The following PLPP1 variants were observed in gnomAD, a reference collection of about 807,000 sequenced individuals.
PLPP1 encodes the protein phospholipid phosphatase 1, also known as lipid phosphate phosphohydrolase 1a.
In PLPP1, 24 loss-of-function variants were observed where a neutral mutation model predicts 31.2. The observed-to-expected ratio is 0.77, with a 90% CI of 0.56 to 1.08. PLPP1 has a LOEUF of 1.08. Ranked by LOEUF, PLPP1 falls within the 50% of genes least tolerant of loss-of-function variation. PLPP1 has a pLI of 0.00. For synonymous variants in PLPP1, 146 were observed against 126.3 expected (o/e 1.16, Z -1.05); for missense variants, 319 against 342.7 (o/e 0.93, Z 0.55).
chr5:55,526,431 G>T (rs542190876), intron 1 of PLPP1, among the ~76,000 whole-genome samples: 4 of 152,202 alleles, frequency 2.6e-5, no homozygotes, highest in South Asian at 4.2e-4. Context: ...CTCTGCTTTT[G>T]TTCCAAACTA....
chr5:55,506,655 T>C (rs2111897612), intron 1 of PLPP1, among the ~76,000 whole-genome samples: 1 of 152,256 alleles, frequency 6.6e-6, no homozygotes, highest in Middle Eastern at 3.4e-3. Flanking sequence ...AAAAAGGTAA[T>C]AAATAAAACT....
intron 4 of PLPP1, among the ~76,000 whole-genome samples, chr5:55,433,253 G>A (rs573952241): frequency 6.6e-6 from 1 of 150,988 alleles, no homozygotes; most frequent in African/African-American, 2.4e-5. Flanking sequence ...TTAAGCACAG[G>A]ACAATGAGGT....
intron 3 of PLPP1, among the ~76,000 whole-genome samples, chr5:55,459,203 C>T (rs746478400): frequency 6.9e-6 from 1 of 144,904 alleles, no homozygotes; most frequent in Non-Finnish European, 1.5e-5. Flanking sequence ...CAAAGAAATA[C>T]ATTGATACCA....
intron 1 of PLPP1, among the ~76,000 whole-genome samples, chr5:55,495,887 C>G (rs1451732698): frequency 3.9e-5 from 6 of 152,094 alleles, no homozygotes; most frequent in Admixed American, 6.6e-5. Context: ...CAGAGTCTTG[C>G]TCTGTCGCCC....
chr5:55,486,977 A>G (rs1752787859), intron 1 of PLPP1, among the ~76,000 whole-genome samples: 2 of 152,292 alleles, frequency 1.3e-5, no homozygotes, highest in East Asian at 1.9e-4. Flanking sequence ...TTAGGTCACC[A>G]TAAGTAATAC....
chr5:55,432,095 CTTCTTTTTTTTTTTTTTT>C (rs1439156993), intron 4 of PLPP1, among the ~76,000 whole-genome samples: 1 of 145,910 alleles, frequency 6.9e-6, no homozygotes, highest in Non-Finnish European at 1.5e-5. Context: ...TTTTCTTTTT[CTTCTTTTTTTTTTTTTTT>C]TTTTTTTTTT....
intron 1 of PLPP1, among the ~76,000 whole-genome samples, chr5:55,526,051 T>C (rs1740419312): frequency 6.6e-6 from 1 of 152,046 alleles, no homozygotes; most frequent in Admixed American, 6.6e-5. Flanking sequence ...TCTGGGAGTT[T>C]AGTGACTTTT....
At chr5:55,499,367 T>C (rs966401074) in intron 1 of PLPP1, among the ~76,000 whole-genome samples, 1 of 152,216 alleles carries the variant, frequency 6.6e-6, no homozygotes, top group Admixed American at 6.5e-5. Context: ...TTTCACATAC[T>C]ATACAAGTTT....
intron 3 of PLPP1, among the ~76,000 whole-genome samples, chr5:55,455,439 C>T (rs1016369861): frequency 6.6e-6 from 1 of 151,934 alleles, no homozygotes; most frequent in East Asian, 1.9e-4. Context: ...AAAAAAAATA[C>T]AAAAATTAGC....
At chr5:55,512,520 GAAAGAAA>G (rs1561253172) in intron 1 of PLPP1, among the ~76,000 whole-genome samples, 47 of 7,178 alleles carry the variant, frequency 6.5e-3, no homozygotes, top group South Asian at 0.014. Context: ...AGAAAAGAAA[GAAAGAAA>G]GAAAGAAAGA....
At chr5:55,426,132 A>C in intron 4 of PLPP1, 93 bp from the exon 5 acceptor site, 2 of 1,127,964 alleles carry the variant, frequency 1.8e-6, no homozygotes, top group Non-Finnish European at 2.5e-6. Flanking sequence ...TGATTATCAA[A>C]GTATTATTAT....
intron 2 of PLPP1, among the ~76,000 whole-genome samples, chr5:55,472,733 GGAGGAAGAGGAAGAA>G (rs1752445959): frequency 1.4e-5 from 2 of 144,010 alleles, no homozygotes; most frequent in East Asian, 2.0e-4. Flanking sequence ...AAGAGGAAGA[GGAGGAAGAGGAAGAA>G]GAGGAAGAGG....
intron 1 of PLPP1, chr5:55,530,204 T>G (rs111548056): frequency 1.2e-5 from 16 of 1,350,632 alleles, no homozygotes; most frequent in Non-Finnish European, 1.7e-5. Flanking sequence ...GACATTGAGT[T>G]TCTTCATCTA....
chr5:55,494,816 A>G (rs1204744249), intron 1 of PLPP1, among the ~76,000 whole-genome samples: 1 of 151,990 alleles, frequency 6.6e-6, no homozygotes, highest in Admixed American at 6.6e-5. Flanking sequence ...TACCAGGCAC[A>G]CAGATCTGAA....
intron 1 of PLPP1, among the ~76,000 whole-genome samples, chr5:55,513,363 C>T (rs1753482907): frequency 6.6e-6 from 1 of 151,434 alleles, no homozygotes; most frequent in South Asian, 2.1e-4. Context: ...AGGGTTCAAG[C>T]GATTCTCCTG....
chr5:55,477,053 A>AC lies in PLPP1; in HGVS notation c.59-1604_59-1603insG, dbSNP rs1474008920. Among the ~76,000 whole-genome samples, 9 of 151,086 alleles carry AC rather than the reference A, an allele frequency of 6.0e-5. No individual in the cohort carries two copies. In the South Asian group the frequency reaches 8.3e-4, roughly 14 times the overall value. On this transcript the variant is annotated intron_variant, in intron 1 of 5. Coordinates refer to ENST00000307259, the MANE Select transcript of PLPP1 (RefSeq NM_003711.4). ...GCCTTAAAAGAAAAAAAAAAAAATA[A>AC]TAAACTAGAGCTGACTTTGCTAACT...
chr5:55,486,065 T>C (rs1167077746), intron 1 of PLPP1, among the ~76,000 whole-genome samples: 1 of 152,204 alleles, frequency 6.6e-6, no homozygotes, highest in Non-Finnish European at 1.5e-5. Flanking sequence ...TTTCTATGCT[T>C]GATAAGCTGG....
chr5:55,448,699 C>T (rs1751826219), intron 3 of PLPP1, among the ~76,000 whole-genome samples: 1 of 152,116 alleles, frequency 6.6e-6, no homozygotes, highest in South Asian at 2.1e-4. Context: ...CCACCCACCT[C>T]AGCCTCCCAG....
chr5:55,430,943 TA>T (rs1168726963), intron 4 of PLPP1, among the ~76,000 whole-genome samples: 1 of 152,006 alleles, frequency 6.6e-6, no homozygotes, highest in African/African-American at 2.4e-5. Context: ...GAATGAAATA[TA>T]AAATAGATCC....
Sources: allele counts gnomAD v4.1 joint callset (sites outside exome capture counted in the v4.1 genomes callset), GRCh38; gene constraint gnomAD v4.1.1; transcripts MANE v1.5; gene names NCBI Gene and HGNC (gene_info 2026-07-23, HGNC 2026-07-21).